The following MMGT1 variants were observed in gnomAD, a reference collection of about 807,000 sequenced individuals.
MMGT1 encodes the protein membrane magnesium transporter 1, also known as ER membrane protein complex subunit 5.
In MMGT1, 2 loss-of-function variants were observed where a neutral mutation model predicts 11.7. The observed-to-expected ratio is 0.17, with a 90% confidence interval of 0.07 to 0.54. The LOEUF (loss-of-function observed/expected upper bound fraction) is 0.54. Ranked by LOEUF, MMGT1 falls within the 20% of genes least tolerant of loss-of-function variation. The pLI is 0.94. For missense variants in MMGT1, 74 were observed against 109.0 expected, an observed-to-expected ratio of 0.68 and a Z score of 1.43; for synonymous variants, 49 against 44.4, an observed-to-expected ratio of 1.10 and a Z score of -0.41.
chrX:135,970,227 C>T (rs1479502492), intron 2 of MMGT1, among the ~76,000 whole-genome samples: 4 of 109,857 alleles, frequency 3.6e-5, no homozygotes, highest in Admixed American at 1.9e-4. Flanking sequence ...ATTAGCTGGG[C>T]GTGGTGGTGG....
At chrX:135,968,537 G>GTGTGTGTGT (rs1277874372) in intron 2 of MMGT1, among the ~76,000 whole-genome samples, 5 of 105,296 alleles carry the variant, frequency 4.7e-5, no homozygotes, top group African/African-American at 1.4e-4. Context: ...GTGTGTGTGT[G>GTGTGTGTGT]TTTTCTTTTT....
intron 3 of MMGT1, among the ~76,000 whole-genome samples, chrX:135,965,931 C>A (rs1440194385): frequency 8.9e-6 from 1 of 112,049 alleles, no homozygotes; most frequent in Non-Finnish European, 1.9e-5. Flanking sequence ...CTTTCAAGCA[C>A]AACAAAAAAT....
intron 3 of MMGT1, among the ~76,000 whole-genome samples, chrX:135,965,692 T>C (rs1556611883): frequency 8.9e-6 from 1 of 111,869 alleles, no homozygotes; most frequent in African/African-American, 3.3e-5. Context: ...GTATGAGCCA[T>C]GATGCCCGGC....
At chrX:135,967,305 T>C (rs981720229) in intron 3 of MMGT1, 85 bp downstream of exon 3, 9 of 608,234 alleles carry the variant, frequency 1.5e-5, no homozygotes, top group Non-Finnish European at 2.1e-5. Context: ...CCAACTTTTA[T>C]GTATCAGAAA....
intron 3 of MMGT1, among the ~76,000 whole-genome samples, chrX:135,966,790 T>C (rs1175945114): frequency 1.8e-5 from 2 of 110,234 alleles, no homozygotes; most frequent in Admixed American, 1.9e-4. Context: ...TTTAGGAAAG[T>C]AAAAATATGA....
chrX:135,971,501 TATA>T (rs1471564638), intron 1 of MMGT1, among the ~76,000 whole-genome samples: 2 of 112,088 alleles, frequency 1.8e-5, no homozygotes, highest in Non-Finnish European at 3.8e-5. Context: ...AATACCTTAG[TATA>T]ATTTTTCTTT....
intron 3 of MMGT1, among the ~76,000 whole-genome samples, chrX:135,965,645 T>C (rs1437685904): frequency 9.0e-6 from 1 of 111,058 alleles, no homozygotes; most frequent in East Asian, 2.8e-4. Flanking sequence ...ATCAAGCAAT[T>C]CTCCTACCTC....
At position 135,973,685 on chromosome X, in the gene MMGT1, G is replaced by A. The variant is rs782494929; in HGVS notation, c.-10C>T. Reference sequence around the variant, plus strand: ...ACAGCGACGGCGCCATGATGCCGAAGGAGCAGCAGCCCAGCAAAAGAAGCG... The same window carrying A: ...ACAGCGACGGCGCCATGATGCCGAAAGAGCAGCAGCCCAGCAAAAGAAGCG... On this transcript the variant is annotated 5_prime_UTR_variant, in exon 1 of 4. Coordinates refer to ENST00000305963, the MANE Select transcript of MMGT1 (RefSeq NM_173470.3). 2.3e-5 allele frequency: 27 copies of A among 1,165,804 alleles called. 1 individual carries two copies. The South Asian group carries it at 2.5e-4, about 11-fold the overall frequency.
In MMGT1 at chrX:135,966,460, G is replaced by A. The variant is rs137866338; in HGVS notation, c.236+930C>T. On this transcript the variant is annotated intron_variant, in intron 3 of 3. Transcript: ENST00000305963. ...AATACAAAAATTAGCCGGGCATGGC[G>A]GCAGGTGCCTGTTAATCCCAGCTAC... Among the ~76,000 whole-genome samples the A allele has an allele frequency of 4.5e-3, 503 of 111,751 alleles. 3 individuals are homozygous for A. The highest frequency in any genetic ancestry group is 0.014 in the African/African-American group (440 of 30,746).
chrX:135,969,761 A>G (rs781913628), intron 2 of MMGT1, among the ~76,000 whole-genome samples: 6 of 112,570 alleles, frequency 5.3e-5, no homozygotes, highest in Non-Finnish European at 1.1e-4. Context: ...ATACATATAT[A>G]CACATGTATA....
rs184875601 is a variant in MMGT1, at chrX:135,960,938, G to A, written c.*4086C>T. The stretch of plus-strand genomic sequence containing the variant: ...AGATACCATTTATTCACTTTCACAT[G>A]ATCAGACTTCAAAAGTTTAGTACCC... On this transcript the variant is annotated 3_prime_UTR_variant, in exon 4 of 4. Coordinates refer to ENST00000305963, the MANE Select transcript of MMGT1 (RefSeq NM_173470.3). 8.0e-5 allele frequency among the ~76,000 whole-genome samples: 9 copies of A among 112,016 alleles called. No individual in the cohort carries two copies. In the East Asian group the frequency reaches 2.5e-3, roughly 31 times the overall value.
chrX:135,969,991 C>T (rs1450092874), intron 2 of MMGT1, among the ~76,000 whole-genome samples: 1 of 111,895 alleles, frequency 8.9e-6, no homozygotes, highest in Non-Finnish European at 1.9e-5. Context: ...TTACAAAGAA[C>T]TTACTACTTG....
In MMGT1 at chrX:135,961,838, T is replaced by G. The variant is rs1350047574; in HGVS notation, c.*3186A>C. On this transcript the variant is annotated 3_prime_UTR_variant, in exon 4 of 4. Transcript: ENST00000305963. The stretch of plus-strand genomic sequence containing the variant: ...CCCATTTTTACACCCCAAAGGGCAT[T>G]TGATGATTTATAAACATCATCAAGA... Among the ~76,000 whole-genome samples, 1 of 111,705 alleles carries G rather than the reference T, an allele frequency of 9.0e-6. No individual in the cohort carries two copies. Among genetic ancestry groups the G allele is most frequent in the Non-Finnish European group, 1.9e-5 (1 of 53,163 alleles).
intron 2 of MMGT1, among the ~76,000 whole-genome samples, chrX:135,968,499 T>TG: frequency 1.2e-5 from 1 of 85,033 alleles, no homozygotes; most frequent in South Asian, 6.6e-4. Flanking sequence ...CATTATGTCA[T>TG]TGTGTGTGTG....
intron 2 of MMGT1, among the ~76,000 whole-genome samples, chrX:135,969,576 G>C (rs2089206407): frequency 9.0e-6 from 1 of 111,553 alleles, no homozygotes; most frequent in Non-Finnish European, 1.9e-5. Flanking sequence ...CTGACCTCAT[G>C]ATCTGCCTGC....
Position 135,973,804 on chromosome X carries a change from T to C in MMGT1, c.-129A>G. ...AAGTCCTGAGCGCAAAGTGTCTCAG[T>C]GGTGGAAAAGCCAGAGGGCTGTGAG... is the stretch of plus-strand genomic sequence containing the variant. On this transcript the variant is annotated 5_prime_UTR_variant, in exon 1 of 4. Coordinates refer to ENST00000305963, the MANE Select transcript of MMGT1 (RefSeq NM_173470.3). 3.4e-6 allele frequency: 4 copies of C among 1,162,885 alleles called. No individual in the cohort carries two copies. Among genetic ancestry groups the C allele is most frequent in the Non-Finnish European group, 4.6e-6 (4 of 871,606 alleles).
rs1008542738 is a variant in MMGT1 at position 135,961,696 on chromosome X, G to A, written c.*3328C>T. Among the ~76,000 whole-genome samples, 5 of 111,308 alleles carry A rather than the reference G, an allele frequency of 4.5e-5. No individual in the cohort carries two copies. The highest frequency in any genetic ancestry group is 9.8e-5 in the African/African-American group (3 of 30,621). On this transcript the variant is annotated 3_prime_UTR_variant, in exon 4 of 4. Transcript: ENST00000305963. Reference sequence around the variant, plus strand: ...TGGATTTTCATTAAACTTTATATTTGCTTCCTTGATGCTTTAATCATAACG... The same window carrying A: ...TGGATTTTCATTAAACTTTATATTTACTTCCTTGATGCTTTAATCATAACG...
chrX:135,962,908 T>C lies in MMGT1; in HGVS notation c.*2116A>G, dbSNP rs2089163599. 1 of 111,965 alleles carries C rather than the reference T, an allele frequency of 8.9e-6. No homozygotes were observed. Among genetic ancestry groups the C allele is most frequent in the Non-Finnish European group, 1.9e-5 (1 of 53,222 alleles). 9.2% of individuals were successfully genotyped at this position (111,965 alleles called of 1,213,427 possible). On this transcript the variant is annotated 3_prime_UTR_variant, in exon 4 of 4. Coordinates refer to ENST00000305963, the MANE Select transcript of MMGT1 (RefSeq NM_173470.3). The stretch of plus-strand genomic sequence containing the variant: ...CACGGAGAAAAACCTGTTAGGTATC[T>C]GGCCCTCTTGCCTGAAATCTATTGA...
intron 1 of MMGT1, among the ~76,000 whole-genome samples, chrX:135,973,047 T>C (rs1556612716): frequency 8.9e-6 from 1 of 112,390 alleles, no homozygotes; most frequent in Admixed American, 9.4e-5. Flanking sequence ...AAACTGAATT[T>C]CATAACGCAG....
Sources: gnomAD v4.1 joint callset for allele counts (sites outside exome capture counted in the v4.1 genomes callset) on GRCh38, gnomAD v4.1.1 for gene constraint, MANE v1.5 for transcripts, NCBI Gene and HGNC (gene_info 2026-07-23, HGNC 2026-07-21) for gene names.